Variants in LASP1 observed in about 807,000 individuals in gnomAD.
LASP1 encodes LIM and SH3 domain protein 1.
Under a neutral mutation model 38.6 loss-of-function variants are expected in LASP1, and 10 were observed. The ratio of observed to expected loss-of-function variants is 0.26; its 90% CI spans 0.16 to 0.44. LASP1 has a LOEUF of 0.44. Among genes scored for constraint, LASP1 ranks in the 20% least tolerant of loss-of-function variants. LASP1 has a pLI of 1.00. For missense variants in LASP1, 243 were observed against 375.7 expected, an observed-to-expected ratio of 0.65 and a Z score of 2.92; for synonymous variants, 132 against 140.8, an observed-to-expected ratio of 0.94 and a Z score of 0.44.
Position 38,919,239 on chromosome 17 carries a change from C to T in LASP1, c.*461C>T. On this transcript the variant is annotated 3_prime_UTR_variant, in exon 7 of 7. Coordinates refer to ENST00000318008, the MANE Select transcript of LASP1 (RefSeq NM_006148.4). Reference sequence around the variant, plus strand: ...GGTTCCTGGGATGGCGATGGGGACTCTGCCGCTGTGTAGGGACCAGTGGGA... The same window carrying T: ...GGTTCCTGGGATGGCGATGGGGACTTTGCCGCTGTGTAGGGACCAGTGGGA... 1 of 262,426 alleles carries T rather than the reference C, an allele frequency of 3.8e-6. No individual in the cohort carries two copies. The highest frequency in any genetic ancestry group is 9.6e-5 in the South Asian group (1 of 10,460). 16.3% of individuals were successfully genotyped at this position (262,426 alleles called of 1,614,324 possible). A position where few individuals can be genotyped will look rare whatever the true frequency, so the allele number is the denominator to read the frequency against.
chr17:38,877,970 C>T, intron 1 of LASP1, 116 bp from the exon 2 acceptor site: 1 of 726,418 alleles, frequency 1.4e-6, no homozygotes, highest in Non-Finnish European at 2.4e-6. Context: ...CATGTTCTCC[C>T]CACAGCCATG....
chr17:38,880,909 G>C (rs2143741898), intron 2 of LASP1, among the ~76,000 whole-genome samples: 2 of 152,228 alleles, frequency 1.3e-5, no homozygotes, highest in South Asian at 4.1e-4. Flanking sequence ...AGTTCTATCA[G>C]CCTGGCCAAC....
At chr17:38,885,982 A>G (rs901187680) in intron 2 of LASP1, among the ~76,000 whole-genome samples, 1 of 152,070 alleles carries the variant, frequency 6.6e-6, no homozygotes, top group South Asian at 2.1e-4. Flanking sequence ...AATTATCCAG[A>G]AAGATCCTAT....
intron 2 of LASP1, among the ~76,000 whole-genome samples, chr17:38,881,040 C>T (rs556912100): frequency 3.8e-4 from 58 of 152,176 alleles, no homozygotes; most frequent in Middle Eastern, 6.8e-3. Flanking sequence ...GAGGCCAGGG[C>T]TGCAGTGAGC....
At chr17:38,875,145 G>A (rs918514606) in intron 1 of LASP1, among the ~76,000 whole-genome samples, 1 of 151,586 alleles carries the variant, frequency 6.6e-6, no homozygotes, top group Non-Finnish European at 1.5e-5. Flanking sequence ...AGGCCCCTGT[G>A]GGGGTAGGGG....
rs146951831 is a variant in LASP1, at chr17:38,916,203, G to A, written c.612+1057G>A. 7.3e-3 allele frequency: 1,119 copies of A among 152,428 alleles called. 12 individuals carry two copies. The highest frequency in any genetic ancestry group is 0.025 in the South Asian group (121 of 4,830). 9.4% of individuals were successfully genotyped at this position (152,428 alleles called of 1,614,324 possible). A position where few individuals can be genotyped will look rare whatever the true frequency, so the allele number is the denominator to read the frequency against. On this transcript the variant is annotated intron_variant, in intron 6 of 6. Coordinates refer to ENST00000318008, the MANE Select transcript of LASP1 (RefSeq NM_006148.4). ...TAAGAAAATAGGTGTATAACATAAG[G>A]TCAGCGGTGACACGCTGTGAAGAGA... is the stretch of plus-strand genomic sequence containing the variant.
chr17:38,902,912 C>G (rs962073793), intron 4 of LASP1, among the ~76,000 whole-genome samples: 5 of 151,976 alleles, frequency 3.3e-5, no homozygotes, highest in Non-Finnish European at 7.4e-5. Context: ...CATATTGGCT[C>G]GGCTGGTCTC....
At chr17:38,874,946 C>T (rs781126430) in intron 1 of LASP1, among the ~76,000 whole-genome samples, 28 of 152,214 alleles carry the variant, frequency 1.8e-4, no homozygotes, top group African/African-American at 2.6e-4. Flanking sequence ...GGCTTGGCTC[C>T]GGGTGCAGGC....
chr17:38,892,807 G>A (rs9898883), intron 3 of LASP1, among the ~76,000 whole-genome samples: 1,582 of 152,338 alleles, frequency 0.01, 21 homozygotes, highest in South Asian at 0.035. Flanking sequence ...CCAGCACCAC[G>A]CTCTGGGTTT....
intron 2 of LASP1, among the ~76,000 whole-genome samples, chr17:38,888,353 C>A (rs982032607): frequency 3.3e-5 from 5 of 152,002 alleles, no homozygotes; most frequent in African/African-American, 1.2e-4. Context: ...TCTTGGCTCA[C>A]TGCAAGCTCC....
chr17:38,921,635 T>G lies in LASP1; in HGVS notation c.*2857T>G, dbSNP rs1257376456. 4.3e-6 allele frequency: 1 copy of G among 232,606 alleles called. No homozygotes were observed. The highest frequency in any genetic ancestry group is 2.2e-5 in the African/African-American group (1 of 45,288). The allele number at this position is 232,606 out of a possible 1,614,324, so 14.4% of individuals were successfully genotyped here. A position where few individuals can be genotyped will look rare whatever the true frequency, so the allele number is the denominator to read the frequency against. ...GGGGTTGTTGTCTCATTTTGGTCTGTTTTGGTCCCCTCCCTCGTGGGCTTG... is the reference window on the plus strand; with the variant it reads ...GGGGTTGTTGTCTCATTTTGGTCTGGTTTGGTCCCCTCCCTCGTGGGCTTG... On this transcript the variant is annotated 3_prime_UTR_variant, in exon 7 of 7. Coordinates refer to ENST00000318008, the MANE Select transcript of LASP1 (RefSeq NM_006148.4).
intron 3 of LASP1, among the ~76,000 whole-genome samples, chr17:38,895,366 C>T (rs1454461076): frequency 6.6e-6 from 1 of 151,650 alleles, no homozygotes; most frequent in Non-Finnish European, 1.5e-5. Flanking sequence ...TGTCGCCCAG[C>T]CTGGAGTACA....
chr17:38,896,150 T>TCCCTACACCCCTGGCCCCCGCCC, intron 3 of LASP1, among the ~76,000 whole-genome samples: 1 of 151,744 alleles, frequency 6.6e-6, no homozygotes, highest in Non-Finnish European at 1.5e-5. Context: ...GGCTGGGCCC[T>TCCCTACACCCCTGGCCCCCGCCC]CCCTACACCC....
chr17:38,917,587 T>C (rs1915168868), intron 6 of LASP1, among the ~76,000 whole-genome samples: 1 of 152,140 alleles, frequency 6.6e-6, no homozygotes, highest in Non-Finnish European at 1.5e-5. Flanking sequence ...GGAAAGATCT[T>C]TGTCCTGAAC....
chr17:38,890,169 G>A (rs537289360), intron 2 of LASP1: 2 of 510,460 alleles, frequency 3.9e-6, no homozygotes, highest in Non-Finnish European at 3.6e-6. Flanking sequence ...CTTTCGCTCA[G>A]GACAGTTCTC....
At chr17:38,872,722 C>T (rs961455144) in intron 1 of LASP1, among the ~76,000 whole-genome samples, 11 of 152,136 alleles carry the variant, frequency 7.2e-5, no homozygotes, top group African/African-American at 2.7e-4. Context: ...ATTAGACTCA[C>T]CCGTTTCTCT....
chr17:38,921,119 C>T lies in LASP1; in HGVS notation c.*2341C>T, dbSNP rs570621856. 31 of 229,610 alleles carry T rather than the reference C, an allele frequency of 1.4e-4. No individual in the cohort carries two copies. The highest frequency in any genetic ancestry group is 9.3e-4 in the East Asian group (15 of 16,074). The allele number at this position is 229,610 out of a possible 1,614,324, so 14.2% of individuals were successfully genotyped here. On this transcript the variant is annotated 3_prime_UTR_variant, in exon 7 of 7. Transcript: ENST00000318008. ...GACTGTCACACTGGTGCTGAGTGAC[C>T]GGGGGCTGCTGGGCGTCTGTTCTTT...
At position 38,890,572 on chromosome 17, in the gene LASP1, A is replaced by T. The variant is rs183087442; in HGVS notation, c.249+68A>T. On this transcript the variant is annotated intron_variant, in intron 3 of 6. Coordinates refer to ENST00000318008, the MANE Select transcript of LASP1 (RefSeq NM_006148.4). ...TGGGGAGGGAAGTTGTAAGGTCGGC[A>T]TTTGGCAAGAGTACCTTCCCCTGCG... The T allele has an allele frequency of 6.5e-5, 93 of 1,427,056 alleles. 2 individuals carry two copies. The African/African-American group carries it at 1.2e-3, about 18-fold the overall frequency. 88.4% of individuals were successfully genotyped at this position (1,427,056 alleles called of 1,614,324 possible). A position where few individuals can be genotyped will look rare whatever the true frequency, so the allele number is the denominator to read the frequency against.
intron 1 of LASP1, among the ~76,000 whole-genome samples, chr17:38,874,435 AG>A (rs147418479): frequency 0.015 from 2,264 of 152,132 alleles, 50 homozygotes; most frequent in African/African-American, 0.052. Context: ...GCGGTTGTGG[AG>A]GGACTGGCCA....
Sources: gnomAD v4.1 joint callset for allele counts (sites outside exome capture counted in the v4.1 genomes callset) on GRCh38, gnomAD v4.1.1 for gene constraint, MANE v1.5 for transcripts, NCBI Gene and HGNC (gene_info 2026-07-23, HGNC 2026-07-21) for gene names.